Variants in SPATA31H1 observed in about 807,000 individuals in gnomAD.
SPATA31H1 encodes spermatogenesis-associated protein 31H1.
chr2:27,563,536 C>T, the SPATA31H1 span, among the ~76,000 whole-genome samples: 5 of 150,934 alleles, frequency 3.3e-5, no homozygotes, highest in African/African-American at 4.9e-5. Flanking sequence ...TCTGGGAACA[C>T]AGGCACACAC....
chr2:27,568,981 C>A, the SPATA31H1 span: 6 of 398,790 alleles, frequency 1.5e-5, no homozygotes, highest in African/African-American at 1.2e-4. Context: ...GGAAAAGAAG[C>A]AAAGTTGACC....
chr2:27,581,326 C>G, the SPATA31H1 span: 1 of 1,613,860 alleles, frequency 6.2e-7, no homozygotes, highest in Non-Finnish European at 8.5e-7. Flanking sequence ...CATCACAGTC[C>G]CTCTCAGAGG....
At chr2:27,580,405 T>A in the SPATA31H1 span, 1 of 1,613,996 alleles carries the variant, frequency 6.2e-7, no homozygotes. Flanking sequence ...CGGGCTAAAG[T>A]GAGAACCAAA....
the SPATA31H1 span, chr2:27,569,697 G>C: frequency 5.0e-6 from 2 of 398,924 alleles, no homozygotes; most frequent in East Asian, 7.1e-5. Context: ...GGTAGAATCT[G>C]AGGAGATGAT....
At chr2:27,576,033 C>T in the SPATA31H1 span, 79 of 398,432 alleles carry the variant, frequency 2.0e-4, no homozygotes, top group East Asian at 3.6e-4. Flanking sequence ...AAAGCTTCTA[C>T]GTGCAGCACC....
the SPATA31H1 span, chr2:27,578,552 A>G: frequency 2.5e-6 from 4 of 1,613,946 alleles, no homozygotes; most frequent in South Asian, 4.4e-5. Context: ...TGAAGTCTGC[A>G]GAATTAACCT....
chr2:27,542,582 C>T, the SPATA31H1 span, among the ~76,000 whole-genome samples: 2,488 of 151,754 alleles, frequency 0.016, 103 homozygotes, highest in African/African-American at 0.055. Flanking sequence ...TATAGGATAG[C>T]GCCAGCCTAG....
chr2:27,547,912 C>T, the SPATA31H1 span, among the ~76,000 whole-genome samples: 1 of 149,358 alleles, frequency 6.7e-6, no homozygotes, highest in African/African-American at 2.5e-5. Flanking sequence ...ATATCTAAAA[C>T]ATAAGAACTC....
chr2:27,552,624 G>A, the SPATA31H1 span, among the ~76,000 whole-genome samples: 1 of 152,048 alleles, frequency 6.6e-6, no homozygotes, highest in East Asian at 1.9e-4. Context: ...CTGTAAAAAA[G>A]GCTATTGGGA....
the SPATA31H1 span, chr2:27,567,275 G>T: frequency 1.7e-6 from 1 of 596,456 alleles, no homozygotes; most frequent in South Asian, 2.2e-5. Flanking sequence ...CAGTTAGAAG[G>T]GAGCTAGAAG....
chr2:27,571,388 G>T, the SPATA31H1 span: 1 of 398,362 alleles, frequency 2.5e-6, no homozygotes, highest in East Asian at 3.6e-5. Context: ...AATCTGTGGC[G>T]ATAACCTTAG....
chr2:27,581,994 A>G, the SPATA31H1 span: 3 of 1,613,810 alleles, frequency 1.9e-6, no homozygotes, highest in South Asian at 2.2e-5. Flanking sequence ...AAGACGTCAC[A>G]GTCCCTTGGA....
At chr2:27,582,533 G>A in the SPATA31H1 span, 3 of 1,580,232 alleles carry the variant, frequency 1.9e-6, no homozygotes, top group Non-Finnish European at 2.6e-6. Context: ...GATGAGGCGA[G>A]GTCCGCCCCT....
the SPATA31H1 span, chr2:27,579,866 A>C: frequency 6.2e-7 from 1 of 1,614,226 alleles, no homozygotes; most frequent in Non-Finnish European, 8.5e-7. Flanking sequence ...CAAAACTCTT[A>C]AGGAGTCAAA....
At chr2:27,559,183 G>A in the SPATA31H1 span, among the ~76,000 whole-genome samples, 8 of 152,090 alleles carry the variant, frequency 5.3e-5, no homozygotes, top group Admixed American at 2.6e-4. Context: ...AGAGAGTAGC[G>A]ATATTTTTGC....
the SPATA31H1 span, chr2:27,572,833 T>TAAC: frequency 5.1e-5 from 20 of 395,196 alleles, no homozygotes; most frequent in East Asian, 7.2e-4. Context: ...CTTCAAAGTG[T>TAAC]AACATCTATG....
chr2:27,579,957 G>T, the SPATA31H1 span: 2 of 1,614,148 alleles, frequency 1.2e-6, no homozygotes, highest in South Asian at 2.2e-5. Flanking sequence ...CCGATGTTCA[G>T]GACTTAATTG....
At chr2:27,568,574 G>C in the SPATA31H1 span, 1 of 399,034 alleles carries the variant, frequency 2.5e-6, no homozygotes, top group Non-Finnish European at 4.4e-6. Context: ...CAAGTTCACA[G>C]TTGCAAGGTA....
At chr2:27,559,961 G>A in the SPATA31H1 span, among the ~76,000 whole-genome samples, 1 of 151,742 alleles carries the variant, frequency 6.6e-6, no homozygotes, top group Non-Finnish European at 1.5e-5. Context: ...TCCACCTCCC[G>A]AGTTCAAGCA....
Sources: gnomAD v4.1 joint callset for allele counts (sites outside exome capture counted in the v4.1 genomes callset) on GRCh38, gnomAD v4.1.1 for gene constraint, MANE v1.5 for transcripts, NCBI Gene and HGNC (gene_info 2026-07-23, HGNC 2026-07-21) for gene names.